SFI1: variants seen among roughly 807,000 people sequenced by gnomAD.
SFI1 encodes protein SFI1 homolog.
Under a neutral mutation model 207.5 loss-of-function variants are expected in SFI1, and 195 were observed. That is an observed-to-expected ratio of 0.94 (90% confidence interval 0.84 to 1.06). The LOEUF (loss-of-function observed/expected upper bound fraction) is 1.06, where lower values mean the gene tolerates loss of function less well. SFI1 is among the 50% of genes least tolerant of loss of function. SFI1 has a pLI of 0.00. For synonymous variants in SFI1, 630 were observed against 598.9 expected, an observed-to-expected ratio of 1.05 and a Z score of -0.76; for missense variants, 1,634 against 1,588.0, an observed-to-expected ratio of 1.03 and a Z score of -0.49.
At chr22:31,535,278 C>T (rs2058881386) in intron 4 of SFI1, among the ~76,000 whole-genome samples, 1 of 149,810 alleles carries the variant, frequency 6.7e-6, no homozygotes, top group Non-Finnish European at 1.5e-5. Flanking sequence ...TAACCTCTGC[C>T]TTCCGGGTTC....
At chr22:31,544,741 C>T (rs774579754) in intron 4 of SFI1, among the ~76,000 whole-genome samples, 49 of 151,828 alleles carry the variant, frequency 3.2e-4, no homozygotes, top group African/African-American at 1.0e-3. Flanking sequence ...GGCAACAGAG[C>T]GAGACCCTGT....
chr22:31,514,715 A>C (rs1159121661), intron 2 of SFI1, among the ~76,000 whole-genome samples: 2 of 151,386 alleles, frequency 1.3e-5, no homozygotes, highest in African/African-American at 4.9e-5. Flanking sequence ...GGAGTATTTC[A>C]CTTAATATAA....
At chr22:31,573,681 G>T (rs185024860) in intron 9 of SFI1, among the ~76,000 whole-genome samples, 1 of 152,136 alleles carries the variant, frequency 6.6e-6, no homozygotes, top group Admixed American at 6.6e-5. Flanking sequence ...CAGGTGATCC[G>T]CCTGCCTCAG....
At chr22:31,576,790 C>T (rs999718139) in intron 10 of SFI1, among the ~76,000 whole-genome samples, 11 of 152,038 alleles carry the variant, frequency 7.2e-5, no homozygotes, top group Middle Eastern at 3.2e-3. Context: ...CAGGCATGCA[C>T]CACCATGTCC....
intron 31 of SFI1, among the ~76,000 whole-genome samples, chr22:31,617,849 C>A (rs1288362346): frequency 6.6e-5 from 10 of 152,182 alleles, no homozygotes; most frequent in Admixed American, 6.5e-4. Flanking sequence ...CTTGGCTCTG[C>A]ACAGGGGGAG....
At chr22:31,515,035 C>T (rs2056289984) in intron 2 of SFI1, among the ~76,000 whole-genome samples, 1 of 152,126 alleles carries the variant, frequency 6.6e-6, no homozygotes, top group South Asian at 2.1e-4. Flanking sequence ...TCTCAAAGTG[C>T]TGGGATTACA....
chr22:31,589,539 G>A lies in SFI1; in HGVS notation c.1506G>A (p.Gln502=). The stretch of plus-strand genomic sequence containing the variant: ...ACAGACTCTGGCGATGGCGCCACCA[G>A]GAAAATGTCCTCAGTGCAAGAGCAA... The part of the protein sequence containing the change: ...TWNRLWRWRH[Q]ENVLSARATR... The change falls in exon 15 of 33, where the codon CAG becomes CAA. Residue 502 remains glutamine (Q), a synonymous_variant. Transcript: ENST00000400288. The A allele has an allele frequency of 3.1e-6, 5 of 1,614,006 alleles. No individual in the cohort carries two copies. The highest frequency in any genetic ancestry group is 4.2e-6 in the Non-Finnish European group (5 of 1,179,978).
intron 1 of SFI1, among the ~76,000 whole-genome samples, chr22:31,501,948 T>C (rs903883220): frequency 7.2e-5 from 11 of 152,138 alleles, no homozygotes; most frequent in African/African-American, 2.2e-4. Context: ...ATGATCCTAG[T>C]GTCAGTGAGT....
intron 4 of SFI1, among the ~76,000 whole-genome samples, chr22:31,544,380 T>G (rs2059884767): frequency 6.6e-6 from 1 of 152,202 alleles, no homozygotes; most frequent in Admixed American, 6.6e-5. Context: ...TTTTATAAGT[T>G]TAATTTCCTA....
chr22:31,506,886 C>T (rs934324853), intron 1 of SFI1, among the ~76,000 whole-genome samples: 2 of 151,952 alleles, frequency 1.3e-5, no homozygotes, highest in Non-Finnish European at 2.9e-5. Flanking sequence ...AAAAACATTC[C>T]ATGCTCATGT....
At chr22:31,557,678 C>G (rs1441422786) in intron 7 of SFI1, among the ~76,000 whole-genome samples, 1 of 152,178 alleles carries the variant, frequency 6.6e-6, no homozygotes, top group Non-Finnish European at 1.5e-5. Flanking sequence ...TTAACCCTTA[C>G]CGTAAACTGT....
chr22:31,618,531 T>A lies in SFI1; in HGVS notation c.*113T>A. Reference sequence around the variant, plus strand: ...TTTTTATTTCAAAATGCTTTGCAATTAAATGAATTACTGTTCAGAAGTCTC... The same window carrying A: ...TTTTTATTTCAAAATGCTTTGCAATAAAATGAATTACTGTTCAGAAGTCTC... On this transcript the variant is annotated 3_prime_UTR_variant, in exon 33 of 33. Coordinates refer to ENST00000400288, the MANE Select transcript of SFI1 (RefSeq NM_001007467.3). The A allele has an allele frequency of 1.9e-6, 2 of 1,076,150 alleles. No individual in the cohort carries two copies. The highest frequency in any genetic ancestry group is 2.5e-6 in the Non-Finnish European group (2 of 791,062). 66.7% of individuals were successfully genotyped at this position (1,076,150 alleles called of 1,614,324 possible).
chr22:31,584,499 A>C (rs2064765507), intron 13 of SFI1, among the ~76,000 whole-genome samples: 1 of 152,170 alleles, frequency 6.6e-6, no homozygotes, highest in Non-Finnish European at 1.5e-5. Context: ...AGAAGGAAGC[A>C]CTACGTATAA....
intron 22 of SFI1, 55 bp downstream of exon 22, chr22:31,608,088 G>A: frequency 7.0e-7 from 1 of 1,422,342 alleles, no homozygotes; most frequent in Non-Finnish European, 9.9e-7. Flanking sequence ...CAGCGCTGTT[G>A]TGGAGATCCC....
intron 22 of SFI1, among the ~76,000 whole-genome samples, chr22:31,609,302 C>T (rs1569457097): frequency 6.6e-6 from 1 of 152,102 alleles, no homozygotes; most frequent in African/African-American, 2.4e-5. Context: ...CTGGCCAAGA[C>T]CTAGTCTCTT....
chr22:31,576,611 G>A (rs1212671827), intron 10 of SFI1, among the ~76,000 whole-genome samples: 9 of 151,934 alleles, frequency 5.9e-5, no homozygotes, highest in South Asian at 2.1e-4. Flanking sequence ...GTGAGCCACC[G>A]CGTCCAGCTC....
At chr22:31,496,217 C>G (rs1012572124), upstream of SFI1, 1 of 152,234 alleles carries the variant, frequency 6.6e-6, no homozygotes, top group Non-Finnish European at 1.5e-5. Context: ...CCGCGGGCGG[C>G]GTAACTCGGG....
chr22:31,589,354 A>G, intron 14 of SFI1, 93 bp from the exon 15 acceptor site: 1 of 1,126,434 alleles, frequency 8.9e-7, no homozygotes, highest in Non-Finnish European at 1.2e-6. Context: ...TTTATTATAT[A>G]GGAAGCAATC....
intron 6 of SFI1, among the ~76,000 whole-genome samples, chr22:31,555,912 G>A (rs1299414704): frequency 6.6e-6 from 1 of 152,178 alleles, no homozygotes; most frequent in East Asian, 1.9e-4. Context: ...TAGTCCTGTC[G>A]ACTACATCTT....
Sources: allele counts gnomAD v4.1 joint callset (sites outside exome capture counted in the v4.1 genomes callset), GRCh38; gene constraint gnomAD v4.1.1; transcripts MANE v1.5; gene names NCBI Gene and HGNC (gene_info 2026-07-23, HGNC 2026-07-21).